The following PLD4 variants were observed in gnomAD, a reference collection of about 807,000 sequenced individuals.
PLD4 encodes the protein phospholipase D family member 4.
In PLD4, 54 loss-of-function variants were observed where a neutral mutation model predicts 52.3. The ratio of observed to expected loss-of-function variants is 1.03; its 90% CI spans 0.83 to 1.30. PLD4 has a LOEUF of 1.30. Among genes scored for constraint, PLD4 ranks in the 50% most tolerant of loss-of-function variants. PLD4 has a pLI of 0.00. For missense variants in PLD4, 731 were observed against 671.1 expected (o/e 1.09, Z -0.99); for synonymous variants, 264 against 286.5 (o/e 0.92, Z 0.79).
At chr14:104,925,704 G>A (rs915533502) in intron 1 of PLD4, among the ~76,000 whole-genome samples, 2 of 151,986 alleles carry the variant, frequency 1.3e-5, no homozygotes, top group Non-Finnish European at 2.9e-5. Flanking sequence ...GCAAAGGCCC[G>A]ATGCTGGGCC....
intron 1 of PLD4, among the ~76,000 whole-genome samples, chr14:104,925,889 CCCA>C (rs1897439617): frequency 6.6e-6 from 1 of 152,078 alleles, no homozygotes; most frequent in Non-Finnish European, 1.5e-5. Context: ...GTCCCCTGTC[CCCA>C]CACTTGGTTT....
intron 1 of PLD4, among the ~76,000 whole-genome samples, chr14:104,926,626 G>T (rs934704623): frequency 1.3e-5 from 2 of 152,196 alleles, no homozygotes; most frequent in Non-Finnish European, 2.9e-5. Context: ...GTGGGGCCAA[G>T]ACAGGAGCCC....
chr14:104,926,835 G>A (rs1053748725), intron 1 of PLD4, among the ~76,000 whole-genome samples: 3 of 152,342 alleles, frequency 2.0e-5, no homozygotes, highest in East Asian at 1.9e-4. Flanking sequence ...ACAGACGCCC[G>A]CCCGCCCCTC....
chr14:104,936,194 A>C (rs1315202326), downstream of PLD4: 1 of 152,224 alleles, frequency 6.6e-6, no homozygotes, highest in Non-Finnish European at 1.5e-5. Flanking sequence ...CTCTTGGATC[A>C]GAGAGGGACA....
At chr14:104,936,005 GTTGTT>G (rs1426028193), downstream of PLD4, 8 of 152,238 alleles carry the variant, frequency 5.3e-5, no homozygotes, top group African/African-American at 1.7e-4. Context: ...ATAAATGTGT[GTTGTT>G]TTAAGTTGCT....
In PLD4 at chr14:104,932,923, G is replaced by A. The variant is rs946619859; in HGVS notation, c.1480G>A (p.Asp494Asn). 1.1e-5 allele frequency: 17 copies of A among 1,601,240 alleles called. No homozygotes were observed. In the Admixed American group the frequency reaches 2.6e-4, roughly 24 times the overall value. Residue 494 changes from aspartate (D) to asparagine (N), a missense_variant, in exon 11 of 11, where the codon GAC becomes AAC. Asp to Asn is a conservative substitution (Grantham distance 23). Transcript: ENST00000392593. The surrounding 1 kb of genome is among the most constrained non-coding windows in gnomAD (Gnocchi z 6.5). Reference sequence around the variant, plus strand: ...GAGTTCGCGCTACGCCGTCGGCCTGGACGGACAGGCTCCGGGCCAGGACTG... The same window carrying A: ...GAGTTCGCGCTACGCCGTCGGCCTGAACGGACAGGCTCCGGGCCAGGACTG... ...DWSSRYAVGLDGQAPGQDCVW... is the reference protein window; with the variant it reads ...DWSSRYAVGLNGQAPGQDCVW...
chr14:104,927,287 T>G (rs1897488573), intron 2 of PLD4, 57 bp downstream of exon 2: 1 of 1,402,160 alleles, frequency 7.1e-7, no homozygotes, highest in Admixed American at 2.4e-5. Context: ...TTTCAAGAGC[T>G]CCGAGCCAGA....
intron 1 of PLD4, among the ~76,000 whole-genome samples, chr14:104,925,959 G>A (rs1455618134): frequency 6.6e-6 from 1 of 152,096 alleles, no homozygotes; most frequent in Non-Finnish European, 1.5e-5. Context: ...CTCAGTCCAG[G>A]CCCGACTCCT....
At chr14:104,936,800 G>A (rs1897821203), downstream of PLD4, 1 of 152,244 alleles carries the variant, frequency 6.6e-6, no homozygotes, top group South Asian at 2.1e-4. Flanking sequence ...GGGGCATCTG[G>A]GAAGAGATTT....
Position 104,927,753 on chromosome 14 carries a change from TC to T in PLD4, c.174del (p.Thr59ProfsTer179). 1 of 1,599,220 alleles carries T rather than the reference TC, an allele frequency of 6.3e-7. No individual in the cohort carries two copies. On this transcript the variant is annotated frameshift_variant, in exon 3 of 11. Transcript: ENST00000392593. LOFTEE classifies it high-confidence loss of function. The stretch of plus-strand genomic sequence containing the variant: ...GCCTCCTGTGGCAAGTGCCCCGTCC[TC>T]CCACCTGGGGCCAGGTGCAGCCCAA... Reference protein sequence around the residue: ...ICLLWQVPRPPTWGQVQPKDV... With the variant: ...ICLLWQVPRPXTWGQVQPKDV...
intron 6 of PLD4, 121 bp from the exon 7 acceptor site, chr14:104,930,621 G>A (rs999586846): frequency 5.8e-6 from 6 of 1,037,828 alleles, no homozygotes; most frequent in African/African-American, 1.6e-5. Flanking sequence ...AATGCTTCCC[G>A]CAAGTGGGGA....
Position 104,925,308 on chromosome 14 carries a change from C to T in PLD4, c.-1+318C>T, listed in dbSNP as rs574634189. On this transcript the variant is annotated intron_variant, in intron 1 of 10. Coordinates refer to ENST00000392593, the MANE Select transcript of PLD4 (RefSeq NM_138790.5). ...GTCTGCAGGGTCTTACGCTATCTAC[C>T]ATGGGACCAGGGGGCTACAGCCCTA... 4.6e-4 allele frequency among the ~76,000 whole-genome samples: 70 copies of T among 152,336 alleles called. No individual in the cohort carries two copies. In the East Asian group the frequency reaches 5.8e-3, roughly 13 times the overall value.
downstream of PLD4, chr14:104,934,739 T>C (rs1415675617): frequency 6.6e-6 from 1 of 152,284 alleles, no homozygotes; most frequent in Non-Finnish European, 1.5e-5. Flanking sequence ...AACTCAGCCA[T>C]ATCTTCCTCT....
chr14:104,931,879 C>A lies in PLD4; in HGVS notation c.1050C>A (p.His350Gln). 6.5e-7 allele frequency: 1 copy of A among 1,538,104 alleles called. No homozygotes were observed. Among genetic ancestry groups the A allele is most frequent in the Non-Finnish European group, 8.8e-7 (1 of 1,138,878 alleles). ...ATTTCCCCACCACGCGCTTCAGCCA[C>A]CCCCCGAGGTAGGTCTGAGTGGGAG... is the stretch of plus-strand genomic sequence containing the variant. ...MEYFPTTRFS[H>Q]PPRYWPVLDN... The change falls in exon 8 of 11, where the codon CAC becomes CAA. Residue 350 changes from histidine to glutamine, a missense_variant. By Grantham distance (24) the His-to-Gln change is conservative. Transcript: ENST00000392593.
chr14:104,932,467 A>G lies in PLD4; in HGVS notation c.1321+112A>G. 2.5e-6 allele frequency: 3 copies of G among 1,221,436 alleles called. No individual in the cohort carries two copies. The Middle Eastern group carries it at 8.3e-4, about 338-fold the overall frequency. 75.7% of individuals were successfully genotyped at this position (1,221,436 alleles called of 1,614,324 possible). On this transcript the variant is annotated intron_variant, in intron 10 of 10. Transcript: ENST00000392593. This position sits in a 1 kb window ranked among gnomAD's most constrained non-coding sequence, Gnocchi z 6.5. ...CCTCAGGAGGGAGGGGCTGCTGCTGAAGGGGGACGGGGTCTCCATGGAGTT... is the reference window on the plus strand; with the variant it reads ...CCTCAGGAGGGAGGGGCTGCTGCTGGAGGGGGACGGGGTCTCCATGGAGTT...
In PLD4 at chr14:104,932,122, A is replaced by G; in HGVS notation, c.1169A>G (p.Tyr390Cys). The change falls in exon 9 of 11, where the codon TAC becomes TGC. Residue 390 changes from tyrosine to cysteine, a missense_variant. Physicochemically the swap from Tyr to Cys is radical, Grantham distance 194. Transcript: ENST00000392593. The surrounding 1 kb of genome is among the most constrained non-coding windows in gnomAD (Gnocchi z 6.5). ...GLNTDPTMFP[Y>C]LRSLQALSNP... is the part of the protein sequence containing the mutation. ...AACACGGACCCCACCATGTTCCCCT[A>G]CCTGCGGTCCCTGCAGGCGCTCAGC... 6.2e-7 allele frequency: 1 copy of G among 1,611,300 alleles called. No individual in the cohort carries two copies. The highest frequency in any genetic ancestry group is 1.1e-5 in the South Asian group (1 of 90,950).
In PLD4 at chr14:104,931,857, TCCCCAC is replaced by T. The variant is rs1456517417; in HGVS notation, c.1030_1035del (p.Pro344_Thr345del). ...ATCTATGCCTCCGTGATGGAGTATT[TCCCCAC>T]CACGCGCTTCAGCCACCCCCCGAGG... is the stretch of plus-strand genomic sequence containing the variant. On this transcript the variant is annotated inframe_deletion, in exon 8 of 11. Coordinates refer to ENST00000392593, the MANE Select transcript of PLD4 (RefSeq NM_138790.5). 2 of 1,552,784 alleles carry T rather than the reference TCCCCAC, an allele frequency of 1.3e-6. No homozygotes were observed. Among genetic ancestry groups the T allele is most frequent in the Admixed American group, 3.8e-5 (2 of 53,118 alleles).
chr14:104,932,002 C>G lies in PLD4; in HGVS notation c.1059-10C>G. 6 of 1,568,844 alleles carry G rather than the reference C, an allele frequency of 3.8e-6. No homozygotes were observed. Among genetic ancestry groups the G allele is most frequent in the South Asian group, 1.2e-5 (1 of 85,510 alleles). ...CTTGTAAGCAGAGCCCCGTCCCTCC[C>G]CACCCCAAGGTACTGGCCGGTGCTG... On this transcript the variant is annotated splice_polypyrimidine_tract_variant and intron_variant, in intron 8 of 10. Coordinates refer to ENST00000392593, the MANE Select transcript of PLD4 (RefSeq NM_138790.5). The surrounding 1 kb of genome is among the most constrained non-coding windows in gnomAD (Gnocchi z 6.5).
intron 1 of PLD4, 21 bp from the exon 2 acceptor site, chr14:104,927,120 A>G (rs1897480355): frequency 2.0e-6 from 3 of 1,530,124 alleles, no homozygotes; most frequent in Non-Finnish European, 2.6e-6. Context: ...GCTGCTGGTG[A>G]TGCCAGGCTG....
Sources: gnomAD v4.1 joint callset for allele counts (sites outside exome capture counted in the v4.1 genomes callset) on GRCh38, gnomAD v4.1.1 for gene constraint, Gnocchi (gnomAD v3.1) non-coding constraint, MANE v1.5 for transcripts, NCBI Gene and HGNC (gene_info 2026-07-23, HGNC 2026-07-21) for gene names.